The following ADAM10 variants were observed in gnomAD, a reference collection of about 807,000 sequenced individuals.
ADAM10 encodes the protein disintegrin and metalloproteinase domain-containing protein 10.
A neutral mutation model predicts 90.1 loss-of-function variants in ADAM10; 17 were observed. The ratio of observed to expected loss-of-function variants is 0.19; its 90% confidence interval spans 0.13 to 0.28. The LOEUF is 0.28. ADAM10 is among the 10% of genes least tolerant of loss of function. ADAM10 has a pLI of 1.00. For synonymous variants in ADAM10, 310 were observed against 298.6 expected (o/e 1.04, Z -0.40); for missense variants, 610 against 914.3 (o/e 0.67, Z 4.29).
chr15:58,616,130 A>T (rs951686835), intron 11 of ADAM10, among the ~76,000 whole-genome samples: 1 of 152,232 alleles, frequency 6.6e-6, no homozygotes, highest in Non-Finnish European at 1.5e-5. Flanking sequence ...CCAGATACAT[A>T]AAGCAAATAC....
intron 14 of ADAM10, among the ~76,000 whole-genome samples, chr15:58,608,367 C>T (rs1244673801): frequency 6.6e-6 from 1 of 152,152 alleles, no homozygotes; most frequent in African/African-American, 2.4e-5. Flanking sequence ...GGGCACTTCC[C>T]TAACATGATA....
At chr15:58,615,279 A>G (rs1282588896) in intron 11 of ADAM10, among the ~76,000 whole-genome samples, 1 of 139,476 alleles carries the variant, frequency 7.2e-6, no homozygotes, top group Non-Finnish European at 1.6e-5. Context: ...GTCTGAAGAA[A>G]AAAAAAAAAA....
At chr15:58,706,066 T>C (rs776410767) in intron 2 of ADAM10, among the ~76,000 whole-genome samples, 3 of 152,214 alleles carry the variant, frequency 2.0e-5, no homozygotes, top group South Asian at 2.1e-4. Flanking sequence ...TACTGTAGAC[T>C]AAAAAGAAGT....
chr15:58,686,364 T>C (rs1700940539), intron 2 of ADAM10: 2 of 777,970 alleles, frequency 2.6e-6, no homozygotes, highest in African/African-American at 1.7e-5. Context: ...CCTATCCTAA[T>C]AAAGCTTAAA....
chr15:58,647,313 T>A (rs1379767674), intron 5 of ADAM10, among the ~76,000 whole-genome samples: 1 of 134,138 alleles, frequency 7.5e-6, no homozygotes, highest in African/African-American at 2.8e-5. Context: ...CAGGATGGAG[T>A]GCAGTGGCAC....
chr15:58,616,048 T>C (rs543940926), intron 11 of ADAM10, among the ~76,000 whole-genome samples: 9 of 152,124 alleles, frequency 5.9e-5, no homozygotes, highest in African/African-American at 2.2e-4. Flanking sequence ...GATCACTATA[T>C]AGTGATAAAA....
rs536361153 is a variant in ADAM10, at chr15:58,687,030, T to C, written c.207-4716A>G. ...TAAACAATCGAATACTTGTAAACTG[T>C]TGTTCCTGGAAGATATTTATACCAT... On this transcript the variant is annotated intron_variant, in intron 2 of 15. Transcript: ENST00000260408. Among the ~76,000 whole-genome samples the C allele has an allele frequency of 1.1e-4, 16 of 152,366 alleles. 1 individual carries two copies. The South Asian group carries it at 1.2e-3, about 12-fold the overall frequency.
At chr15:58,662,441 T>C (rs76297960) in intron 5 of ADAM10, among the ~76,000 whole-genome samples, 7,643 of 152,210 alleles carry the variant, frequency 0.05, 660 homozygotes, top group African/African-American at 0.17. Flanking sequence ...CAAGAAATCC[T>C]CTCGTCTCAG....
intron 1 of ADAM10, chr15:58,748,916 G>C (rs1398597647): frequency 2.5e-5 from 10 of 398,666 alleles, no homozygotes; most frequent in East Asian, 1.4e-4. Context: ...GGTCGGTCAG[G>C]ACCGGCGCGC....
intron 2 of ADAM10, among the ~76,000 whole-genome samples, chr15:58,706,840 C>T (rs1193689644): frequency 6.6e-6 from 1 of 151,626 alleles, no homozygotes; most frequent in Admixed American, 6.6e-5. Context: ...GAAACCCCAC[C>T]TCTACTAAAA....
intron 14 of ADAM10, among the ~76,000 whole-genome samples, chr15:58,603,960 A>C (rs1428410270): frequency 1.3e-5 from 2 of 152,112 alleles, no homozygotes; most frequent in African/African-American, 4.8e-5. Context: ...ACTTTTCAAA[A>C]GAAAAAAAGT....
intron 1 of ADAM10, among the ~76,000 whole-genome samples, chr15:58,720,562 C>T (rs1007914251): frequency 6.6e-6 from 1 of 151,718 alleles, no homozygotes; most frequent in African/African-American, 2.4e-5. Flanking sequence ...CCACCACGCC[C>T]GGCTAATTTT....
At chr15:58,613,686 C>T (rs572861295) in intron 11 of ADAM10, among the ~76,000 whole-genome samples, 1 of 151,864 alleles carries the variant, frequency 6.6e-6, no homozygotes, top group East Asian at 1.9e-4. Context: ...CAACAGCAGA[C>T]TTGATCAAGC....
rs28623471 is a variant in ADAM10 at position 58,665,346 on chromosome 15, A to G, written c.485-149T>C. The G allele has an allele frequency of 2.7e-4, 181 of 679,068 alleles. 1 individual carries two copies. The African/African-American group carries it at 2.9e-3, about 11-fold the overall frequency. The allele number at this position is 679,068 out of a possible 1,614,324, so 42.1% of individuals were successfully genotyped here. A position where few individuals can be genotyped will look rare whatever the true frequency, so the allele number is the denominator to read the frequency against. Reference sequence around the variant, plus strand: ...CTATGGAAAAGGCATTATGCTAGGCATTTTAATGCTAAAACCTAGCAGGTT... The same window carrying G: ...CTATGGAAAAGGCATTATGCTAGGCGTTTTAATGCTAAAACCTAGCAGGTT... On this transcript the variant is annotated intron_variant, in intron 4 of 15. Coordinates refer to ENST00000260408, the MANE Select transcript of ADAM10 (RefSeq NM_001110.4).
chr15:58,626,268 G>C (rs942425558), intron 10 of ADAM10, among the ~76,000 whole-genome samples: 6 of 152,134 alleles, frequency 3.9e-5, no homozygotes, highest in Admixed American at 1.3e-4. Flanking sequence ...ACTGAGTGAA[G>C]GGTACAGGGA....
At chr15:58,722,140 G>C (rs1898875877) in intron 1 of ADAM10, among the ~76,000 whole-genome samples, 1 of 152,020 alleles carries the variant, frequency 6.6e-6, no homozygotes, top group African/African-American at 2.4e-5. Context: ...AAGAGTTCAA[G>C]GCCAGCCTGG....
chr15:58,745,614 T>C (rs573664069), intron 1 of ADAM10, among the ~76,000 whole-genome samples: 29 of 152,130 alleles, frequency 1.9e-4, no homozygotes, highest in African/African-American at 5.1e-4. Flanking sequence ...AGAGAAAACA[T>C]TGCAAAAAAA....
chr15:58,596,015 T>G lies in ADAM10; in HGVS notation c.*1532A>C, dbSNP rs1381825193. On this transcript the variant is annotated 3_prime_UTR_variant, in exon 16 of 16. Transcript: ENST00000260408. ...AGTTTACAAGGAAGAGATCCCGTTA[T>G]TTTCTCTAGCATTTTTGGCCTTGCT... 3 of 152,058 alleles carry G rather than the reference T, an allele frequency of 2.0e-5. No individual in the cohort carries two copies. Among genetic ancestry groups the G allele is most frequent in the Non-Finnish European group, 4.4e-5 (3 of 67,962 alleles). The allele number at this position is 152,058 out of a possible 1,614,324, so 9.4% of individuals were successfully genotyped here.
chr15:58,620,852 T>C (rs2141008691), intron 11 of ADAM10, among the ~76,000 whole-genome samples: 1 of 84,672 alleles, frequency 1.2e-5, no homozygotes, highest in South Asian at 4.9e-4. Context: ...GTATTTTTAG[T>C]AGAGACGGGG....
Sources: gnomAD v4.1 joint callset for allele counts (sites outside exome capture counted in the v4.1 genomes callset) on GRCh38, gnomAD v4.1.1 for gene constraint, MANE v1.5 for transcripts, NCBI Gene and HGNC (gene_info 2026-07-23, HGNC 2026-07-21) for gene names.